Variants in DSG1 observed in about 807,000 individuals in gnomAD.
The protein encoded by DSG1 is desmoglein 1.
Under a neutral mutation model 97.5 loss-of-function variants are expected in DSG1, and 39 were observed. The ratio of observed to expected loss-of-function variants is 0.40; its 90% CI spans 0.31 to 0.52. The LOEUF is 0.52. DSG1 is among the 20% of genes least tolerant of loss of function. The pLI, the probability that DSG1 is intolerant of heterozygous loss-of-function variation, is 0.53. For synonymous variants in DSG1, 475 were observed against 443.4 expected, an observed-to-expected ratio of 1.07 and a Z score of -0.90; for missense variants, 1,311 against 1,295.4, an observed-to-expected ratio of 1.01 and a Z score of -0.18.
chr18:31,326,871 A>G lies in DSG1; in HGVS notation c.85-3A>G. On this transcript the variant is annotated splice_region_variant and splice_polypyrimidine_tract_variant and intron_variant, in intron 2 of 14. Transcript: ENST00000257192. Reference sequence around the variant, plus strand: ...TACCATTTCTTTATTGCTGTCATTTAAGGTAAGAGATTATAACACTAAAAA... The same window carrying G: ...TACCATTTCTTTATTGCTGTCATTTGAGGTAAGAGATTATAACACTAAAAA... 1.2e-6 allele frequency: 2 copies of G among 1,613,386 alleles called. No individual in the cohort carries two copies. The highest frequency in any genetic ancestry group is 1.7e-6 in the Non-Finnish European group (2 of 1,179,390).
At chr18:31,344,741 T>C (rs1243630240) in intron 13 of DSG1, among the ~76,000 whole-genome samples, 1 of 152,222 alleles carries the variant, frequency 6.6e-6, no homozygotes, top group African/African-American at 2.4e-5. Flanking sequence ...AGTGAGTGGA[T>C]AACTACCATT....
Position 31,336,488 on chromosome 18 carries a change from T to A in DSG1, c.1140T>A (p.Ile380=), listed in dbSNP as rs769638759. 2 of 1,614,060 alleles carry A rather than the reference T, an allele frequency of 1.2e-6. No individual in the cohort carries two copies. The highest frequency in any genetic ancestry group is 1.7e-6 in the Non-Finnish European group (2 of 1,179,962). The change falls in exon 9 of 15, where the codon ATT becomes ATA. Residue 380 remains isoleucine, a synonymous_variant. Transcript: ENST00000257192. ...TTTCTGTGACTGTGTTAAATGTAAT[T>A]GAAGGCCCAGTGTTTCGTCCAGGTT... is the stretch of plus-strand genomic sequence containing the variant. The part of the protein sequence containing the change: ...SAISVTVLNV[I]EGPVFRPGSK...
In DSG1 at chr18:31,355,480, G is replaced by A. The variant is rs2071949118; in HGVS notation, c.*134G>A. On this transcript the variant is annotated 3_prime_UTR_variant, in exon 15 of 15. Transcript: ENST00000257192. ...TAGGAGCAAGGTGAGAAATCACAAT[G>A]AGAAAAATAAATGGAAACACCACTG... The A allele has an allele frequency of 2.2e-6, 2 of 893,754 alleles. No individual in the cohort carries two copies. Among genetic ancestry groups the A allele is most frequent in the South Asian group, 1.5e-5 (1 of 68,534 alleles). The allele number at this position is 893,754 out of a possible 1,614,324, so 55.4% of individuals were successfully genotyped here. A position where few individuals can be genotyped will look rare whatever the true frequency, so the allele number is the denominator to read the frequency against.
chr18:31,343,503 G>A lies in DSG1; in HGVS notation c.1741G>A (p.Ala581Thr), dbSNP rs144052363. 2.5e-4 allele frequency: 408 copies of A among 1,614,126 alleles called. 2 individuals are homozygous for A. The African/African-American group carries it at 4.2e-3, about 17-fold the overall frequency. ...CDCGGAPRSA[A>T]GFEPVPECSD... ...TTGTGGAGGTGCTCCTCGTAGTGCA[G>A]CTGGCTTTGAGCCTGTTCCCGAATG... is the stretch of plus-strand genomic sequence containing the variant. The change falls in exon 12 of 15, where the codon GCT (alanine) becomes ACT (threonine). Residue 581 changes from alanine (A) to threonine (T), a missense_variant. By Grantham distance (58) the Ala-to-Thr change is moderately conservative (BLOSUM62 0). This residue lies in a region of DSG1 where 1,038 missense variants were observed against 964.6 expected (regional missense o/e 1.08). Coordinates refer to ENST00000257192, the MANE Select transcript of DSG1 (RefSeq NM_001942.4).
intron 14 of DSG1, among the ~76,000 whole-genome samples, chr18:31,350,363 G>A (rs1185314453): frequency 1.9e-5 from 2 of 107,626 alleles, no homozygotes; most frequent in Admixed American, 1.0e-4. Flanking sequence ...TGCTGGATTC[G>A]TTTTGCCAGT....
At chr18:31,338,964 T>C (rs2071771809) in intron 10 of DSG1, among the ~76,000 whole-genome samples, 1 of 152,154 alleles carries the variant, frequency 6.6e-6, no homozygotes. Flanking sequence ...TTGTGCCAGA[T>C]TCTAGGGTTA....
At position 31,356,304 on chromosome 18, in the gene DSG1, G is replaced by A. The variant is rs2071957623; in HGVS notation, c.*958G>A. On this transcript the variant is annotated 3_prime_UTR_variant, in exon 15 of 15. Transcript: ENST00000257192. The stretch of plus-strand genomic sequence containing the variant: ...TGTTTTCAGGTTTTGTTTTTAGTAG[G>A]TGATATTCATTCGTATCCAGCTCTT... The A allele has an allele frequency of 6.6e-6, 1 of 152,014 alleles. No individual in the cohort carries two copies. Among genetic ancestry groups the A allele is most frequent in the African/African-American group, 2.4e-5 (1 of 41,372 alleles). 9.4% of individuals were successfully genotyped at this position (152,014 alleles called of 1,614,324 possible).
At chr18:31,331,578 G>A in intron 5 of DSG1, 123 bp from the exon 6 acceptor site, 1 of 823,238 alleles carries the variant, frequency 1.2e-6, no homozygotes, top group Non-Finnish European at 2.0e-6. Flanking sequence ...AGTAGAAAGG[G>A]AAGACAGTGA....
At chr18:31,325,874 T>A (rs185872899) in intron 1 of DSG1, among the ~76,000 whole-genome samples, 6 of 152,290 alleles carry the variant, frequency 3.9e-5, no homozygotes, top group Non-Finnish European at 1.5e-5. Context: ...AATTTCCTCA[T>A]CTGTAAAATG....
intron 14 of DSG1, 114 bp from the exon 15 acceptor site, chr18:31,354,178 CTTGTT>C: frequency 2.4e-6 from 2 of 827,312 alleles, no homozygotes; most frequent in East Asian, 2.6e-5. Flanking sequence ...ATGTTAAAAT[CTTGTT>C]TTATTTCATT....
At chr18:31,351,385 C>T (rs2071894796) in intron 14 of DSG1, among the ~76,000 whole-genome samples, 1 of 146,866 alleles carries the variant, frequency 6.8e-6, no homozygotes, top group Non-Finnish European at 1.5e-5. Flanking sequence ...AGCTTTACTT[C>T]CCAGTATGTG....
At chr18:31,318,719 CT>C (rs1473691421) in intron 1 of DSG1, among the ~76,000 whole-genome samples, 1 of 124,954 alleles carries the variant, frequency 8.0e-6, no homozygotes. Flanking sequence ...GATTTTTAAC[CT>C]GTTTTTTTTT....
Position 31,356,837 on chromosome 18 carries a change from C to T in DSG1, c.*1491C>T, listed in dbSNP as rs1302828517. 1 of 152,010 alleles carries T rather than the reference C, an allele frequency of 6.6e-6. No individual in the cohort carries two copies. Among genetic ancestry groups the T allele is most frequent in the African/African-American group, 2.4e-5 (1 of 41,394 alleles). The allele number at this position is 152,010 out of a possible 1,614,324, so 9.4% of individuals were successfully genotyped here. On this transcript the variant is annotated 3_prime_UTR_variant, in exon 15 of 15. Coordinates refer to ENST00000257192, the MANE Select transcript of DSG1 (RefSeq NM_001942.4). ...TAGTAATGTCCTATTTATGATATATCATTTCTGTGTGTTTGCTATGTAGTA... is the reference window on the plus strand; with the variant it reads ...TAGTAATGTCCTATTTATGATATATTATTTCTGTGTGTTTGCTATGTAGTA...
At chr18:31,344,079 C>T in intron 13 of DSG1, 84 bp downstream of exon 13, 2 of 1,013,390 alleles carry the variant, frequency 2.0e-6, no homozygotes, top group South Asian at 1.4e-5. Flanking sequence ...TTTTAATTAT[C>T]TTATTTTTCT....
intron 11 of DSG1, among the ~76,000 whole-genome samples, chr18:31,340,675 A>T (rs1386602051): frequency 6.6e-6 from 1 of 152,156 alleles, no homozygotes; most frequent in Non-Finnish European, 1.5e-5. Context: ...AAGGGGAAAA[A>T]AATCTATGTG....
rs1269530735 is a variant in DSG1, at chr18:31,355,192, G to T, written c.2996G>T (p.Gly999Val). Residue 999 changes from glycine (G) to valine (V), a missense_variant, in exon 15 of 15, where the codon GGT (glycine) becomes GTT (valine). Transcript: ENST00000257192. Reference sequence around the variant, plus strand: ...CTGAGTGGAGCTGGCATAAGTGGTGGTGGCATTGGCCTGAGCAGCTTGGGA... The same window carrying T: ...CTGAGTGGAGCTGGCATAAGTGGTGTTGGCATTGGCCTGAGCAGCTTGGGA... The part of the protein sequence containing the change: ...GALSGAGISG[G>V]GIGLSSLGGT... 6.2e-7 allele frequency: 1 copy of T among 1,602,710 alleles called. No homozygotes were observed. Among genetic ancestry groups the T allele is most frequent in the Non-Finnish European group, 8.5e-7 (1 of 1,173,158 alleles).
rs987619993 is a variant in DSG1, at chr18:31,339,789, A to G, written c.1451A>G (p.Gln484Arg). The change falls in exon 11 of 15, where the codon CAA (glutamine) becomes CGA (arginine). Residue 484 changes from glutamine (Q) to arginine (R), a missense_variant. Coordinates refer to ENST00000257192, the MANE Select transcript of DSG1 (RefSeq NM_001942.4). Reference sequence around the variant, plus strand: ...ACTGGTACAATTAATATTAACATTCAAAGTTTTGGTAATGACGACAGGACT... The same window carrying G: ...ACTGGTACAATTAATATTAACATTCGAAGTTTTGGTAATGACGACAGGACT... ...TCTGTININI[Q>R]SFGNDDRTNT... 6.2e-7 allele frequency: 1 copy of G among 1,613,140 alleles called. No individual in the cohort carries two copies. Among genetic ancestry groups the G allele is most frequent in the Non-Finnish European group, 8.5e-7 (1 of 1,179,150 alleles).
chr18:31,349,272 T>C, intron 14 of DSG1, among the ~76,000 whole-genome samples: 1 of 139,624 alleles, frequency 7.2e-6, no homozygotes, highest in South Asian at 2.3e-4. Context: ...GATCAGATAG[T>C]TGTAGATATG....
Position 31,344,013 on chromosome 18 carries a change from GT to G in DSG1, c.1891+21del. 6.4e-7 allele frequency: 1 copy of G among 1,559,774 alleles called. No individual in the cohort carries two copies. Among genetic ancestry groups the G allele is most frequent in the Non-Finnish European group, 8.8e-7 (1 of 1,131,276 alleles). On this transcript the variant is annotated intron_variant, in intron 13 of 14. Coordinates refer to ENST00000257192, the MANE Select transcript of DSG1 (RefSeq NM_001942.4). ...CAACTCAGGTAAGAAAAAAGAATTT[GT>G]TTAACATCTCAAATGCTTAAGTAGG...
Sources: gnomAD v4.1 joint callset for allele counts (sites outside exome capture counted in the v4.1 genomes callset) on GRCh38, gnomAD v4.1.1 for gene constraint, gnomAD v4.1.1 regional missense constraint, MANE v1.5 for transcripts, NCBI Gene and HGNC (gene_info 2026-07-23, HGNC 2026-07-21) for gene names.